The following KHDRBS2 variants were observed in gnomAD, a reference collection of about 807,000 sequenced individuals.
KHDRBS2 encodes the protein KH RNA binding domain containing, signal transduction associated 2.
A neutral mutation model predicts 44.3 loss-of-function variants in KHDRBS2; 26 were observed. The observed-to-expected ratio is 0.59, with a 90% CI of 0.43 to 0.81. The LOEUF (loss-of-function observed/expected upper bound fraction) is 0.81. Ranked by LOEUF, KHDRBS2 falls within the 40% of genes least tolerant of loss-of-function variation. The pLI is 0.00. For missense variants in KHDRBS2, 476 were observed against 433.1 expected (o/e 1.10, Z -0.88); for synonymous variants, 194 against 151.1 (o/e 1.28, Z -2.08).
At chr6:62,253,470 A>G (rs1326836434) in intron 1 of KHDRBS2, among the ~76,000 whole-genome samples, 4 of 151,664 alleles carry the variant, frequency 2.6e-5, no homozygotes, top group Admixed American at 2.0e-4. Flanking sequence ...CTCTGTCTCT[A>G]TTCCCCCTGC....
Position 62,213,057 on chromosome 6 carries a change from A to G in KHDRBS2, c.92-35745T>C, listed in dbSNP as rs1246130989. On this transcript the variant is annotated intron_variant, in intron 1 of 8. Coordinates refer to ENST00000281156, the MANE Select transcript of KHDRBS2 (RefSeq NM_152688.4). ...CTATTCAGAGATCAGTTCAGAAAAA[A>G]GAAATATTGCTACCTGGCTCATCCA... is the stretch of plus-strand genomic sequence containing the variant. 3.9e-5 allele frequency among the ~76,000 whole-genome samples: 6 copies of G among 152,226 alleles called. No homozygotes were observed. The East Asian group carries it at 1.2e-3, about 29-fold the overall frequency.
the KHDRBS2 span, among the ~76,000 whole-genome samples, chr6:61,579,232 C>T: frequency 6.6e-6 from 1 of 152,146 alleles, no homozygotes; most frequent in Non-Finnish European, 1.5e-5. Context: ...GAACTCTGAC[C>T]TCGGCTAAAC....
the KHDRBS2 span, among the ~76,000 whole-genome samples, chr6:61,627,111 G>A: frequency 2.0e-5 from 3 of 151,192 alleles, no homozygotes; most frequent in Admixed American, 1.3e-4. Flanking sequence ...AAATTAGCCG[G>A]GCGTGGTAGC....
chr6:61,588,554 G>C, the KHDRBS2 span, among the ~76,000 whole-genome samples: 4 of 152,224 alleles, frequency 2.6e-5, no homozygotes, highest in African/African-American at 9.6e-5. Flanking sequence ...AGGCTGAGGT[G>C]GGAGGGTTGT....
chr6:61,960,067 G>A (rs16868060), intron 4 of KHDRBS2, among the ~76,000 whole-genome samples: 8,787 of 125,578 alleles, frequency 0.07, 301 homozygotes, highest in Middle Eastern at 0.16. Context: ...GTCCCTTCTC[G>A]CCAAATATTT....
chr6:61,826,363 A>G (rs1303670087), intron 6 of KHDRBS2, among the ~76,000 whole-genome samples: 4 of 152,116 alleles, frequency 2.6e-5, no homozygotes, highest in Non-Finnish European at 5.9e-5. Flanking sequence ...ATGAGGATGT[A>G]TATCTCCCTC....
intron 1 of KHDRBS2, among the ~76,000 whole-genome samples, chr6:62,207,166 T>C (rs1253344156): frequency 6.6e-6 from 1 of 152,018 alleles, no homozygotes; most frequent in African/African-American, 2.4e-5. Context: ...TTCTAAATTA[T>C]AAAACAGAAT....
intron 3 of KHDRBS2, among the ~76,000 whole-genome samples, chr6:61,989,286 T>A (rs1463471575): frequency 6.6e-6 from 1 of 152,190 alleles, no homozygotes; most frequent in African/African-American, 2.4e-5. Flanking sequence ...GGAGATAGCA[T>A]CCCTGTCTCC....
At chr6:62,118,951 T>C (rs1181878532) in intron 2 of KHDRBS2, among the ~76,000 whole-genome samples, 1 of 152,196 alleles carries the variant, frequency 6.6e-6, no homozygotes, top group African/African-American at 2.4e-5. Flanking sequence ...AATTTCACCT[T>C]GTGGTCATGT....
intron 6 of KHDRBS2, among the ~76,000 whole-genome samples, chr6:61,883,406 C>A (rs1250530913): frequency 3.3e-5 from 5 of 151,972 alleles, no homozygotes; most frequent in Non-Finnish European, 7.4e-5. Flanking sequence ...CAAAATGGCA[C>A]AGGGAGAAAC....
rs1335801356 is a variant in KHDRBS2 at position 62,139,581 on chromosome 6, T to C, written c.219+37604A>G. Among the ~76,000 whole-genome samples, 6 of 151,776 alleles carry C rather than the reference T, an allele frequency of 4.0e-5. No homozygotes were observed. In the East Asian group the frequency reaches 1.2e-3, roughly 29 times the overall value. On this transcript the variant is annotated intron_variant, in intron 2 of 8. Coordinates refer to ENST00000281156, the MANE Select transcript of KHDRBS2 (RefSeq NM_152688.4). ...AAAAAAATAAAAAGAAATTTATATGTAATGACAAATTTGGAGGAAATACAA... is the reference window on the plus strand; with the variant it reads ...AAAAAAATAAAAAGAAATTTATATGCAATGACAAATTTGGAGGAAATACAA...
At chr6:61,583,908 A>G in the KHDRBS2 span, among the ~76,000 whole-genome samples, 2 of 151,538 alleles carry the variant, frequency 1.3e-5, no homozygotes, top group African/African-American at 2.4e-5. Context: ...TTTTTAATGT[A>G]GCTATCTTAT....
At chr6:61,897,825 C>G (rs951219739) in intron 5 of KHDRBS2, among the ~76,000 whole-genome samples, 4 of 152,080 alleles carry the variant, frequency 2.6e-5, no homozygotes, top group African/African-American at 9.7e-5. Context: ...TTAACAAACT[C>G]TATTAGTTCT....
At chr6:61,872,405 T>C (rs963756237) in intron 6 of KHDRBS2, among the ~76,000 whole-genome samples, 41 of 152,026 alleles carry the variant, frequency 2.7e-4, no homozygotes, top group African/African-American at 8.4e-4. Flanking sequence ...TATAAACACA[T>C]AAGAAAAATA....
intron 4 of KHDRBS2, among the ~76,000 whole-genome samples, chr6:61,952,520 C>T (rs376926215): frequency 6.6e-6 from 1 of 152,124 alleles, no homozygotes; most frequent in African/African-American, 2.4e-5. Context: ...TAGGTTAGTG[C>T]AAAAGTAATT....
At chr6:62,032,215 C>T (rs1197183243) in intron 3 of KHDRBS2, among the ~76,000 whole-genome samples, 1 of 152,000 alleles carries the variant, frequency 6.6e-6, no homozygotes, top group African/African-American at 2.4e-5. Context: ...TGTTAGGGTG[C>T]TGCCAAAGGA....
intron 1 of KHDRBS2, among the ~76,000 whole-genome samples, chr6:62,211,749 G>A (rs1486306352): frequency 6.6e-6 from 1 of 152,120 alleles, no homozygotes; most frequent in Non-Finnish European, 1.5e-5. Flanking sequence ...ACAGTGGGGC[G>A]ATACCTGAAA....
intron 4 of KHDRBS2, among the ~76,000 whole-genome samples, chr6:61,910,749 A>G (rs1215945896): frequency 1.3e-5 from 2 of 152,212 alleles, no homozygotes; most frequent in African/African-American, 4.8e-5. Flanking sequence ...TAGAAAATCA[A>G]TCACTCTTCA....
At chr6:62,207,109 C>T (rs538381284) in intron 1 of KHDRBS2, among the ~76,000 whole-genome samples, 13 of 152,090 alleles carry the variant, frequency 8.5e-5, no homozygotes, top group African/African-American at 3.1e-4. Context: ...GTGATACTTC[C>T]TATCTGTGAG....
Sources: allele counts gnomAD v4.1 joint callset (sites outside exome capture counted in the v4.1 genomes callset), GRCh38; gene constraint gnomAD v4.1.1; transcripts MANE v1.5; gene names NCBI Gene and HGNC (gene_info 2026-07-23, HGNC 2026-07-21).